The following ZBTB8B variants were observed in gnomAD, a reference collection of about 807,000 sequenced individuals.
ZBTB8B encodes the protein zinc finger and BTB domain-containing protein 8B.
Under a neutral mutation model 30.3 loss-of-function variants are expected in ZBTB8B, and 17 were observed. That is an observed-to-expected ratio of 0.56 (90% CI 0.38 to 0.84). The LOEUF (loss-of-function observed/expected upper bound fraction) is 0.84. Among genes scored for constraint, ZBTB8B ranks in the 40% least tolerant of loss-of-function variants. The pLI is 0.00. For missense variants in ZBTB8B, 515 were observed against 644.9 expected (o/e 0.80, Z 2.18); for synonymous variants, 248 against 255.6 (o/e 0.97, Z 0.28).
rs1373804417 is a variant in ZBTB8B, at chr1:32,471,178, G to A, written c.554G>A (p.Ser185Asn). ...TCCTCTCCAGCCGAGGGAGAAAAGAGCGTGGAGTGCCTGAGAGAGTCCCCT... is the reference window on the plus strand; with the variant it reads ...TCCTCTCCAGCCGAGGGAGAAAAGAACGTGGAGTGCCTGAGAGAGTCCCCT... The part of the protein sequence containing the change: ...LVSSPAEGEK[S>N]VECLRESPCG... The change falls in exon 2 of 4, where the codon AGC (serine) becomes AAC (asparagine). Residue 185 changes from serine to asparagine, a missense_variant. By Grantham distance (46) the Ser-to-Asn change is conservative. Around this residue, in one of 3 missense-constraint regions of ZBTB8B, gnomAD observed 429 missense variants for 504.3 expected, o/e 0.85. Transcript: ENST00000609129. The A allele has an allele frequency of 1.3e-6, 2 of 1,551,760 alleles. No homozygotes were observed. The highest frequency in any genetic ancestry group is 1.2e-5 in the South Asian group (1 of 84,070).
In ZBTB8B at chr1:32,487,885, C is replaced by G. The variant is rs1429656127; in HGVS notation, c.*2467C>G. 1.3e-5 allele frequency: 2 copies of G among 151,728 alleles called. No individual in the cohort carries two copies. The highest frequency in any genetic ancestry group is 2.9e-5 in the Non-Finnish European group (2 of 67,944). The allele number at this position is 151,728 out of a possible 1,614,324, so 9.4% of individuals were successfully genotyped here. On this transcript the variant is annotated 3_prime_UTR_variant, in exon 4 of 4. Coordinates refer to ENST00000609129, the MANE Select transcript of ZBTB8B (RefSeq NM_001145720.2). ...TAAATAAAAGAAAAATATTCTAGAT[C>G]AAGAGTTACTCATTGAAAATTATCA...
chr1:32,469,246 ATT>A (rs541160413), intron 1 of ZBTB8B, among the ~76,000 whole-genome samples: 2 of 117,318 alleles, frequency 1.7e-5, no homozygotes, highest in Non-Finnish European at 1.7e-5. Context: ...CTCAAGTATA[ATT>A]TTTTTTTTTT....
rs535700928 is a variant in ZBTB8B, at chr1:32,486,609, A to G, written c.*1191A>G. Reference sequence around the variant, plus strand: ...CTGGGTGGTTGCCATGATAAGGGGCAGTGACTTCCAGGTGTTGCCATGGCA... The same window carrying G: ...CTGGGTGGTTGCCATGATAAGGGGCGGTGACTTCCAGGTGTTGCCATGGCA... On this transcript the variant is annotated 3_prime_UTR_variant, in exon 4 of 4. Transcript: ENST00000609129. 3.9e-5 allele frequency: 6 copies of G among 152,314 alleles called. No homozygotes were observed. Among genetic ancestry groups the G allele is most frequent in the South Asian group, 4.2e-4 (2 of 4,810 alleles). The allele number at this position is 152,314 out of a possible 1,614,324, so 9.4% of individuals were successfully genotyped here. A position where few individuals can be genotyped will look rare whatever the true frequency, so the allele number is the denominator to read the frequency against.
In ZBTB8B at chr1:32,492,889, T is replaced by C. The variant is rs1287612570; in HGVS notation, c.*7471T>C. 2 of 152,058 alleles carry C rather than the reference T, an allele frequency of 1.3e-5. No individual in the cohort carries two copies. Among genetic ancestry groups the C allele is most frequent in the Non-Finnish European group, 2.9e-5 (2 of 68,036 alleles). 9.4% of individuals were successfully genotyped at this position (152,058 alleles called of 1,614,324 possible). A position where few individuals can be genotyped will look rare whatever the true frequency, so the allele number is the denominator to read the frequency against. The stretch of plus-strand genomic sequence containing the variant: ...ACAGGGTACTCTGAGAACGCGTGGG[T>C]CGGGTACCTAGCCAGTCATAGAGCC... On this transcript the variant is annotated 3_prime_UTR_variant, in exon 4 of 4. Coordinates refer to ENST00000609129, the MANE Select transcript of ZBTB8B (RefSeq NM_001145720.2).
chr1:32,466,517 C>T (rs1485018385), intron 1 of ZBTB8B, among the ~76,000 whole-genome samples: 2 of 152,092 alleles, frequency 1.3e-5, no homozygotes, highest in Non-Finnish European at 1.5e-5. Context: ...TGATCCTCAG[C>T]ACTTCCCGGG....
In ZBTB8B at chr1:32,485,326, G is replaced by A. The variant is rs1020959384; in HGVS notation, c.1396G>A (p.Glu466Lys). The change falls in exon 4 of 4, where the codon GAG (glutamate) becomes AAG (lysine). Residue 466 changes from glutamate (E) to lysine (K), a missense_variant. Transcript: ENST00000609129. ...AGACAATGACTGGCCAATCTATGTG[G>A]AGTCGGGTGAGGAAAATGACCCTGC... ...DTDNDWPIYV[E>K]SGEENDPAGD... The A allele has an allele frequency of 2.4e-5, 37 of 1,552,170 alleles. No homozygotes were observed. Among genetic ancestry groups the A allele is most frequent in the Non-Finnish European group, 3.0e-5 (34 of 1,147,134 alleles).
intron 2 of ZBTB8B, among the ~76,000 whole-genome samples, chr1:32,475,129 G>A (rs1643652766): frequency 6.6e-6 from 1 of 152,176 alleles, no homozygotes; most frequent in South Asian, 2.1e-4. Context: ...ACGGCTCCAG[G>A]GTATAGTTTT....
At position 32,485,568 on chromosome 1, in the gene ZBTB8B, G is replaced by T; in HGVS notation, c.*150G>T. ...CATTTTTATTAGACTATCTGATAGA[G>T]GTTGGATTTTGTGACTCAAAGGACA... On this transcript the variant is annotated 3_prime_UTR_variant, in exon 4 of 4. Transcript: ENST00000609129. 1 of 861,134 alleles carries T rather than the reference G, an allele frequency of 1.2e-6. No individual in the cohort carries two copies. Among genetic ancestry groups the T allele is most frequent in the Non-Finnish European group, 1.7e-6 (1 of 573,596 alleles). 53.3% of individuals were successfully genotyped at this position (861,134 alleles called of 1,614,324 possible).
rs1643565484 is a variant in ZBTB8B at position 32,465,686 on chromosome 1, A to G, written c.-42+581A>G. ...CTAAAAGAAAGGAGTGACTTCCCCA[A>G]CCTGTCGCATCGTGTCCTGGAGGGT... On this transcript the variant is annotated intron_variant, in intron 1 of 3. Transcript: ENST00000609129. The surrounding 1 kb of genome is among the most constrained non-coding windows in gnomAD (Gnocchi z 4.1). Among the ~76,000 whole-genome samples, 1 of 152,136 alleles carries G rather than the reference A, an allele frequency of 6.6e-6. No homozygotes were observed. The highest frequency in any genetic ancestry group is 1.5e-5 in the Non-Finnish European group (1 of 68,024).
rs1469842113 is a variant in ZBTB8B at position 32,487,527 on chromosome 1, CTT to C, written c.*2110_*2111del. 1 of 152,242 alleles carries C rather than the reference CTT, an allele frequency of 6.6e-6. No individual in the cohort carries two copies. Among genetic ancestry groups the C allele is most frequent in the Non-Finnish European group, 1.5e-5 (1 of 68,064 alleles). 9.4% of individuals were successfully genotyped at this position (152,242 alleles called of 1,614,324 possible). A position where few individuals can be genotyped will look rare whatever the true frequency, so the allele number is the denominator to read the frequency against. On this transcript the variant is annotated 3_prime_UTR_variant, in exon 4 of 4. Coordinates refer to ENST00000609129, the MANE Select transcript of ZBTB8B (RefSeq NM_001145720.2). The stretch of plus-strand genomic sequence containing the variant: ...GTAGAATGGAAAATTTAAAACTTCT[CTT>C]ATCACAGGTAGTTCGATAAATATCA...
In ZBTB8B at chr1:32,471,059, T is replaced by TGCAGCGGCGGCA. The variant is rs1387459530; in HGVS notation, c.447_458dup (p.Ala150_Ala153dup). 2.1e-5 allele frequency: 33 copies of TGCAGCGGCGGCA among 1,544,460 alleles called. No homozygotes were observed. The highest frequency in any genetic ancestry group is 2.7e-5 in the African/African-American group (2 of 72,900). The stretch of plus-strand genomic sequence containing the variant: ...CAGTGGCGGCGGCAGCGGCGGCGGC[T>TGCAGCGGCGGCA]GCAGCGGCGGCAGCAGCGGCGGCTC... On this transcript the variant is annotated inframe_insertion, in exon 2 of 4. Coordinates refer to ENST00000609129, the MANE Select transcript of ZBTB8B (RefSeq NM_001145720.2).
Position 32,491,569 on chromosome 1 carries a change from A to G in ZBTB8B, c.*6151A>G, listed in dbSNP as rs1395032616. On this transcript the variant is annotated 3_prime_UTR_variant, in exon 4 of 4. Coordinates refer to ENST00000609129, the MANE Select transcript of ZBTB8B (RefSeq NM_001145720.2). ...TGCAGGTGCAAGGAGACAGATCTAC[A>G]TGGGGCAAGTATGGAAGCTTCCCCG... 1 of 152,196 alleles carries G rather than the reference A, an allele frequency of 6.6e-6. No individual in the cohort carries two copies. Among genetic ancestry groups the G allele is most frequent in the Non-Finnish European group, 1.5e-5 (1 of 68,030 alleles). 9.4% of individuals were successfully genotyped at this position (152,196 alleles called of 1,614,324 possible).
chr1:32,480,782 T>G, intron 2 of ZBTB8B, 109 bp from the exon 3 acceptor site: 1 of 1,088,612 alleles, frequency 9.2e-7, no homozygotes, highest in Non-Finnish European at 1.3e-6. Flanking sequence ...TGTCCTCCTC[T>G]TCTATCTGGG....
chr1:32,482,691 A>T (rs200697972), intron 3 of ZBTB8B, among the ~76,000 whole-genome samples: 1 of 151,394 alleles, frequency 6.6e-6, no homozygotes, highest in Non-Finnish European at 1.5e-5. Context: ...AAAAAAAAAA[A>T]AGAATACGAA....
At chr1:32,467,376 C>T (rs538857366) in intron 1 of ZBTB8B, among the ~76,000 whole-genome samples, 7 of 151,828 alleles carry the variant, frequency 4.6e-5, no homozygotes, top group African/African-American at 9.7e-5. Context: ...CTCAGCCTCC[C>T]GAGTAGCTGG....
At position 32,495,053 on chromosome 1, in the gene ZBTB8B, TC is replaced by T. The variant is rs888069382; in HGVS notation, c.*9637del. 6.6e-6 allele frequency: 1 copy of T among 152,116 alleles called. No individual in the cohort carries two copies. The highest frequency in any genetic ancestry group is 2.4e-5 in the African/African-American group (1 of 41,410). 9.4% of individuals were successfully genotyped at this position (152,116 alleles called of 1,614,324 possible). A position where few individuals can be genotyped will look rare whatever the true frequency, so the allele number is the denominator to read the frequency against. ...TCAGGTGATACACCCGCCTCAGCCT[TC>T]CAAAGTGCTGAGATTACAGGTGTGA... On this transcript the variant is annotated 3_prime_UTR_variant, in exon 4 of 4. Transcript: ENST00000609129.
intron 2 of ZBTB8B, among the ~76,000 whole-genome samples, chr1:32,473,900 G>C (rs1007890803): frequency 2.0e-5 from 3 of 151,856 alleles, no homozygotes; most frequent in African/African-American, 7.3e-5. Context: ...GCCCAGGCTG[G>C]AGTGCAGTGG....
chr1:32,481,878 G>A (rs1003136379), intron 3 of ZBTB8B, among the ~76,000 whole-genome samples: 5 of 152,138 alleles, frequency 3.3e-5, no homozygotes, highest in African/African-American at 1.2e-4. Context: ...CTGTTCCTAT[G>A]TTAGTTTGCT....
intron 2 of ZBTB8B, among the ~76,000 whole-genome samples, chr1:32,479,612 C>T (rs1397291756): frequency 6.6e-6 from 1 of 152,208 alleles, no homozygotes; most frequent in Non-Finnish European, 1.5e-5. Context: ...ATCCGTGGTT[C>T]CGTGGATTCA....
Sources: allele counts gnomAD v4.1 joint callset (sites outside exome capture counted in the v4.1 genomes callset), GRCh38; gene constraint gnomAD v4.1.1; regional missense constraint gnomAD v4.1.1; non-coding constraint Gnocchi (gnomAD v3.1); transcripts MANE v1.5; gene names NCBI Gene and HGNC (gene_info 2026-07-23, HGNC 2026-07-21).